OCIAD2: variants seen among roughly 807,000 people sequenced by gnomAD.
OCIAD2 encodes the protein OCIA domain containing 2.
OCIAD2 carries 29 observed loss-of-function variants against 22.9 expected under a neutral mutation model. That is an observed-to-expected ratio of 1.27 (90% CI 0.94 to 1.73). The LOEUF is 1.73. Among genes scored for constraint, OCIAD2 ranks in the 40% most tolerant of loss-of-function variants. The pLI, the probability that OCIAD2 is intolerant of heterozygous loss-of-function variation, is 0.00. For missense variants in OCIAD2, 189 were observed against 180.3 expected (o/e 1.05, Z -0.28); for synonymous variants, 67 against 60.2 (o/e 1.11, Z -0.52).
At chr4:48,897,781 A>C in intron 4 of OCIAD2, 23 bp downstream of exon 4, 2 of 1,580,390 alleles carry the variant, frequency 1.3e-6, no homozygotes, top group Non-Finnish European at 1.7e-6. Flanking sequence ...AAATTAGATT[A>C]TTTAACAAAT....
chr4:48,897,824 G>T lies in OCIAD2; in HGVS notation c.197C>A (p.Thr66Asn). Residue 66 changes from threonine to asparagine, a missense_variant, in exon 4 of 7, where the codon ACC (threonine) becomes AAC (asparagine). Physicochemically the swap from Thr to Asn is moderately conservative, Grantham distance 65. Transcript: ENST00000508632. Reference sequence around the variant, plus strand: ...CTTACCTTGGTAGACTAGTCCCTGGGTGACAAGCATGCTTACAAGAGAAAA... The same window carrying T: ...CTTACCTTGGTAGACTAGTCCCTGGTTGACAAGCATGCTTACAAGAGAAAA... The part of the protein sequence containing the change: ...LPFSLVSMLV[T>N]QGLVYQGYLA... 1 of 1,612,222 alleles carries T rather than the reference G, an allele frequency of 6.2e-7. No homozygotes were observed. The highest frequency in any genetic ancestry group is 1.1e-5 in the South Asian group (1 of 90,972).
At chr4:48,889,028 C>T (rs1158730749) in intron 6 of OCIAD2, among the ~76,000 whole-genome samples, 4 of 152,150 alleles carry the variant, frequency 2.6e-5, no homozygotes, top group Admixed American at 2.6e-4. Context: ...TGTTATTAGT[C>T]TACTGAAGGG....
At chr4:48,897,006 T>C (rs1467872775) in intron 4 of OCIAD2, 2 of 152,458 alleles carry the variant, frequency 1.3e-5, no homozygotes, top group Admixed American at 6.5e-5. Context: ...TACGGTCTCT[T>C]GTATGGAGGA....
intron 2 of OCIAD2, among the ~76,000 whole-genome samples, chr4:48,902,547 C>T (rs1320890745): frequency 6.6e-6 from 1 of 152,220 alleles, no homozygotes; most frequent in Non-Finnish European, 1.5e-5. Context: ...ACCTTCCTTA[C>T]TTAGCACAGG....
intron 4 of OCIAD2, among the ~76,000 whole-genome samples, chr4:48,896,462 A>C (rs1781303190): frequency 6.6e-6 from 1 of 152,036 alleles, no homozygotes; most frequent in Non-Finnish European, 1.5e-5. Flanking sequence ...GTGTGGTGGC[A>C]TGTGTCTATA....
At chr4:48,892,007 ATAGT>A (rs994927834) in intron 6 of OCIAD2, among the ~76,000 whole-genome samples, 1 of 152,226 alleles carries the variant, frequency 6.6e-6, no homozygotes, top group African/African-American at 2.4e-5. Context: ...CCAAAGTCAC[ATAGT>A]TAGAAAAAGA....
At chr4:48,905,125 T>A (rs1164559122) in intron 1 of OCIAD2, among the ~76,000 whole-genome samples, 1 of 151,742 alleles carries the variant, frequency 6.6e-6, no homozygotes, top group African/African-American at 2.4e-5. Flanking sequence ...AGACAAGGAG[T>A]TACAGGGACG....
intron 4 of OCIAD2, chr4:48,897,154 C>G (rs1490962444): frequency 1.3e-5 from 2 of 153,092 alleles, no homozygotes; most frequent in Non-Finnish European, 2.9e-5. Context: ...TCTGTCTAAC[C>G]ATATACAGAG....
In OCIAD2 at chr4:48,885,272, A is replaced by C. The variant is rs534275277; in HGVS notation, c.*212T>G. On this transcript the variant is annotated 3_prime_UTR_variant, in exon 7 of 7. Transcript: ENST00000508632. ...CCAAAGTACTGGGATTACAGGCATG[A>C]GCCACTGCGCCATGCCCCGACATGT... 186 of 513,802 alleles carry C rather than the reference A, an allele frequency of 3.6e-4. 1 individual carries two copies. The South Asian group carries it at 4.5e-3, about 12-fold the overall frequency. The allele number at this position is 513,802 out of a possible 1,614,324, so 31.8% of individuals were successfully genotyped here. A position where few individuals can be genotyped will look rare whatever the true frequency, so the allele number is the denominator to read the frequency against.
In OCIAD2 at chr4:48,904,613, T is replaced by A; in HGVS notation, c.-62-2A>T. On this transcript the variant is annotated splice_acceptor_variant, in intron 1 of 6. Transcript: ENST00000508632. LOFTEE classifies it low-confidence loss of function (5UTR_SPLICE). The stretch of plus-strand genomic sequence containing the variant: ...TCTGCTTACTCCTTGACCCAGTGTC[T>A]AAGGAAGGTAGAAGAGAATCACTAT... 1 of 1,419,630 alleles carries A rather than the reference T, an allele frequency of 7.0e-7. No individual in the cohort carries two copies. Among genetic ancestry groups the A allele is most frequent in the Non-Finnish European group, 1.0e-6 (1 of 1,003,962 alleles). The allele number at this position is 1,419,630 out of a possible 1,614,324, so 87.9% of individuals were successfully genotyped here.
chr4:48,888,430 G>A (rs547046765), intron 6 of OCIAD2, among the ~76,000 whole-genome samples: 11 of 152,210 alleles, frequency 7.2e-5, no homozygotes, highest in Non-Finnish European at 1.3e-4. Context: ...TCAAAAGGAT[G>A]TTTCCAGTTT....
intron 6 of OCIAD2, among the ~76,000 whole-genome samples, chr4:48,890,513 A>G (rs1254310640): frequency 3.3e-5 from 5 of 152,206 alleles, no homozygotes; most frequent in African/African-American, 1.2e-4. Context: ...GTGCACATAT[A>G]TATACACATA....
chr4:48,897,016 A>C (rs1381894640), intron 4 of OCIAD2: 1 of 152,440 alleles, frequency 6.6e-6, no homozygotes, highest in Admixed American at 6.5e-5. Flanking sequence ...TGTATGGAGG[A>C]GACAGGGTGC....
At chr4:48,895,872 A>G (rs908602054) in intron 4 of OCIAD2, among the ~76,000 whole-genome samples, 2 of 152,092 alleles carry the variant, frequency 1.3e-5, no homozygotes, top group African/African-American at 4.8e-5. Flanking sequence ...TCTCTACTAA[A>G]AATACAAAAA....
chr4:48,898,240 C>T (rs556099271), intron 3 of OCIAD2, among the ~76,000 whole-genome samples: 1 of 152,222 alleles, frequency 6.6e-6, no homozygotes, highest in African/African-American at 2.4e-5. Context: ...ATTTTCAATC[C>T]TACACAAATG....
intron 3 of OCIAD2, among the ~76,000 whole-genome samples, chr4:48,898,669 C>A (rs1266567222): frequency 6.6e-6 from 1 of 152,114 alleles, no homozygotes; most frequent in Non-Finnish European, 1.5e-5. Flanking sequence ...TTTTTCATGA[C>A]ATTTTGTCTT....
At position 48,906,754 on chromosome 4, in the gene OCIAD2, C is replaced by G. The variant is rs1274035562; in HGVS notation, c.-159G>C. 1 of 153,510 alleles carries G rather than the reference C, an allele frequency of 6.5e-6. No individual in the cohort carries two copies. The highest frequency in any genetic ancestry group is 1.9e-4 in the East Asian group (1 of 5,240). 9.5% of individuals were successfully genotyped at this position (153,510 alleles called of 1,614,324 possible). On this transcript the variant is annotated 5_prime_UTR_variant, in exon 1 of 7. Coordinates refer to ENST00000508632, the MANE Select transcript of OCIAD2 (RefSeq NM_001014446.3). ...CTGCACCGCCGGCCCGCTCCAGCTTCCCGAGTACCCCACCTGTCTCCCCGG... is the reference window on the plus strand; with the variant it reads ...CTGCACCGCCGGCCCGCTCCAGCTTGCCGAGTACCCCACCTGTCTCCCCGG...
chr4:48,904,446 C>A, intron 2 of OCIAD2, 38 bp downstream of exon 2: 1 of 1,570,274 alleles, frequency 6.4e-7, no homozygotes, highest in Non-Finnish European at 8.8e-7. Flanking sequence ...GAGATCGTGT[C>A]TCAATCAATG....
At chr4:48,906,012 C>T (rs1157202674) in intron 1 of OCIAD2, among the ~76,000 whole-genome samples, 4 of 152,194 alleles carry the variant, frequency 2.6e-5, no homozygotes, top group Admixed American at 2.0e-4. Flanking sequence ...CCCTGCACAC[C>T]TTCCATTTCC....
Sources: gnomAD v4.1 joint callset for allele counts (sites outside exome capture counted in the v4.1 genomes callset) on GRCh38, gnomAD v4.1.1 for gene constraint, MANE v1.5 for transcripts, NCBI Gene and HGNC (gene_info 2026-07-23, HGNC 2026-07-21) for gene names.